C1QA: variants seen among roughly 807,000 people sequenced by gnomAD.
C1QA encodes complement C1q subcomponent subunit A.
C1QA carries 3 observed loss-of-function variants against 6.9 expected under a neutral mutation model. The ratio of observed to expected loss-of-function variants is 0.44; its 90% CI spans 0.20 to 1.12. The LOEUF (loss-of-function observed/expected upper bound fraction) is 1.12. Among genes scored for constraint, C1QA ranks in the 50% most tolerant of loss-of-function variants. C1QA has a pLI of 0.27. For synonymous variants in C1QA, 128 were observed against 134.1 expected, an observed-to-expected ratio of 0.95 and a Z score of 0.31; for missense variants, 273 against 326.6, an observed-to-expected ratio of 0.84 and a Z score of 1.26.
Position 22,638,953 on chromosome 1 carries a change from G to T in C1QA, c.284G>T (p.Gly95Val). 1 of 1,606,050 alleles carries T rather than the reference G, an allele frequency of 6.2e-7. No individual in the cohort carries two copies. Residue 95 changes from glycine to valine, a missense_variant, in exon 3 of 3, where the codon GGC (glycine) becomes GTC (valine). Physicochemically the swap from Gly to Val is moderately radical, Grantham distance 109. Transcript: ENST00000374642. ...PGPSGPLGAR[G>V]IPGIKGTKGS... ...CCCAGCGGCCCCCTCGGAGCCCGTG[G>T]CATCCCGGGAATTAAAGGCACCAAG...
At position 22,638,938 on chromosome 1, in the gene C1QA, C is replaced by A. The variant is rs2148290843; in HGVS notation, c.269C>A (p.Pro90His). 1 of 1,599,730 alleles carries A rather than the reference C, an allele frequency of 6.3e-7. No homozygotes were observed. The highest frequency in any genetic ancestry group is 2.3e-5 in the East Asian group (1 of 44,204). The part of the protein sequence containing the change: ...GKVGYPGPSG[P>H]LGARGIPGIK... ...GTGGGCTACCCAGGGCCCAGCGGCCCCCTCGGAGCCCGTGGCATCCCGGGA... is the reference window on the plus strand; with the variant it reads ...GTGGGCTACCCAGGGCCCAGCGGCCACCTCGGAGCCCGTGGCATCCCGGGA... Residue 90 changes from proline to histidine, a missense_variant, in exon 3 of 3, where the codon CCC becomes CAC. Pro to His is a moderately conservative substitution (Grantham distance 77). Transcript: ENST00000374642.
chr1:22,637,535 T>C lies in C1QA; in HGVS notation c.-7-75T>C, dbSNP rs1379702955. 4 of 1,548,644 alleles carry C rather than the reference T, an allele frequency of 2.6e-6. No individual in the cohort carries two copies. Among genetic ancestry groups the C allele is most frequent in the Non-Finnish European group, 3.5e-6 (4 of 1,132,250 alleles). On this transcript the variant is annotated intron_variant, in intron 1 of 2. Coordinates refer to ENST00000374642, the MANE Select transcript of C1QA (RefSeq NM_015991.4). This position sits in a 1 kb window ranked among gnomAD's most constrained non-coding sequence, Gnocchi z 4.4. ...GGAGGACTGTGCATATATCATTGTG[T>C]GCATGGGACTCAAGGGTGGGAGCTG...
Position 22,639,051 on chromosome 1 carries a change from G to A in C1QA, c.382G>A (p.Gly128Ser), listed in dbSNP as rs773281752. ...SAIRRNPPMG[G>S]NVVIFDTVIT... ...CATTCGGCGGAACCCCCCAATGGGGGGCAACGTGGTCATCTTCGACACGGT... is the reference window on the plus strand; with the variant it reads ...CATTCGGCGGAACCCCCCAATGGGGAGCAACGTGGTCATCTTCGACACGGT... The change falls in exon 3 of 3, where the codon GGC (glycine) becomes AGC (serine). Residue 128 changes from glycine to serine, a missense_variant. By Grantham distance (56) the Gly-to-Ser change is moderately conservative. Transcript: ENST00000374642. The surrounding 1 kb of genome is among the most constrained non-coding windows in gnomAD (Gnocchi z 4.6). 4.9e-5 allele frequency: 79 copies of A among 1,614,130 alleles called. No individual in the cohort carries two copies. The highest frequency in any genetic ancestry group is 6.5e-5 in the Non-Finnish European group (77 of 1,180,052).
intron 1 of C1QA, chr1:22,636,912 G>A (rs968776007): frequency 5.9e-5 from 9 of 152,958 alleles, no homozygotes; most frequent in African/African-American, 2.2e-4. Flanking sequence ...GAGGGTGAGA[G>A]GCGATGAGTT....
chr1:22,638,308 C>T (rs938507223), intron 2 of C1QA, among the ~76,000 whole-genome samples: 2 of 152,206 alleles, frequency 1.3e-5, no homozygotes, highest in African/African-American at 2.4e-5. Context: ...TTCCCCCTCC[C>T]CAGCCCCTTC....
Position 22,638,815 on chromosome 1 carries a change from T to C in C1QA, c.164-18T>C. 1 of 1,566,438 alleles carries C rather than the reference T, an allele frequency of 6.4e-7. No individual in the cohort carries two copies. Among genetic ancestry groups the C allele is most frequent in the South Asian group, 1.2e-5 (1 of 85,118 alleles). ...AGGCATTGGACTCTCACTTCCAATCTGGCATTTCTCCCCACAGGGGCCCCT... is the reference window on the plus strand; with the variant it reads ...AGGCATTGGACTCTCACTTCCAATCCGGCATTTCTCCCCACAGGGGCCCCT... On this transcript the variant is annotated intron_variant, in intron 2 of 2. Transcript: ENST00000374642.
Sources: allele counts gnomAD v4.1 joint callset (sites outside exome capture counted in the v4.1 genomes callset), GRCh38; gene constraint gnomAD v4.1.1; non-coding constraint Gnocchi (gnomAD v3.1); transcripts MANE v1.5; gene names NCBI Gene and HGNC (gene_info 2026-07-23, HGNC 2026-07-21).